Variants in KCTD16 observed in about 807,000 individuals in gnomAD.
KCTD16 encodes the protein BTB/POZ domain-containing protein KCTD16.
Under a neutral mutation model 33.2 loss-of-function variants are expected in KCTD16, and 13 were observed. The ratio of observed to expected loss-of-function variants is 0.39; its 90% CI spans 0.25 to 0.62. KCTD16 has a LOEUF of 0.62. Among genes scored for constraint, KCTD16 ranks in the 20% least tolerant of loss-of-function variants. The pLI, the probability that KCTD16 is intolerant of heterozygous loss-of-function variation, is 0.50. For synonymous variants in KCTD16, 197 were observed against 195.3 expected, an observed-to-expected ratio of 1.01 and a Z score of -0.07; for missense variants, 441 against 525.1, an observed-to-expected ratio of 0.84 and a Z score of 1.57.
At chr5:144,396,698 A>C (rs548400665) in intron 3 of KCTD16, among the ~76,000 whole-genome samples, 55 of 152,144 alleles carry the variant, frequency 3.6e-4, no homozygotes, top group South Asian at 3.3e-3. Flanking sequence ...TCAAACCTAA[A>C]ATGTAACATT....
At chr5:144,285,658 C>G (rs946528898) in intron 3 of KCTD16, among the ~76,000 whole-genome samples, 4 of 152,154 alleles carry the variant, frequency 2.6e-5, no homozygotes, top group Admixed American at 2.0e-4. Context: ...CCATTTCACC[C>G]TACAAATATG....
intron 3 of KCTD16, among the ~76,000 whole-genome samples, chr5:144,456,401 A>G (rs1014394234): frequency 2.0e-5 from 3 of 152,186 alleles, no homozygotes; most frequent in Non-Finnish European, 2.9e-5. Context: ...TCACTAAGCT[A>G]TGTACTCTTT....
intron 3 of KCTD16, among the ~76,000 whole-genome samples, chr5:144,298,452 A>T (rs781414086): frequency 1.4e-4 from 21 of 152,246 alleles, no homozygotes; most frequent in African/African-American, 5.1e-4. Flanking sequence ...TCTGCCAGCC[A>T]GATGGAAGGT....
chr5:144,322,792 G>A (rs955985092), intron 3 of KCTD16, among the ~76,000 whole-genome samples: 2 of 151,436 alleles, frequency 1.3e-5, no homozygotes, highest in Non-Finnish European at 2.9e-5. Context: ...AGTTTGCATT[G>A]CTGTGCATGC....
chr5:144,379,863 G>A (rs1170021542), intron 3 of KCTD16, among the ~76,000 whole-genome samples: 1 of 152,058 alleles, frequency 6.6e-6, no homozygotes, highest in African/African-American at 2.4e-5. Context: ...AAAGCAAAAT[G>A]TAAATAAAAG....
intron 3 of KCTD16, among the ~76,000 whole-genome samples, chr5:144,248,895 A>G (rs1327119135): frequency 6.6e-6 from 1 of 152,150 alleles, no homozygotes; most frequent in African/African-American, 2.4e-5. Context: ...AATCTTTCAA[A>G]GGTAAATATT....
At chr5:144,270,338 G>A (rs1216161150) in intron 3 of KCTD16, among the ~76,000 whole-genome samples, 2 of 151,812 alleles carry the variant, frequency 1.3e-5, no homozygotes, top group Non-Finnish European at 2.9e-5. Context: ...ATTATACAAA[G>A]TATCTTCTCT....
chr5:144,413,248 G>A (rs1752973827), intron 3 of KCTD16, among the ~76,000 whole-genome samples: 1 of 152,152 alleles, frequency 6.6e-6, no homozygotes, highest in South Asian at 2.1e-4. Context: ...TAGGACTCAG[G>A]CATGCACAGA....
intron 3 of KCTD16, among the ~76,000 whole-genome samples, chr5:144,319,987 G>T (rs1406258812): frequency 2.6e-5 from 4 of 152,188 alleles, no homozygotes; most frequent in African/African-American, 9.6e-5. Flanking sequence ...CATTCAACTT[G>T]ACTGAAAGCT....
chr5:144,329,882 T>C (rs1752308170), intron 3 of KCTD16, among the ~76,000 whole-genome samples: 1 of 152,194 alleles, frequency 6.6e-6, no homozygotes, highest in African/African-American at 2.4e-5. Context: ...ATTTGAAGTG[T>C]AGAGGCATTG....
chr5:144,321,006 C>T (rs1752058668), intron 3 of KCTD16, among the ~76,000 whole-genome samples: 1 of 152,054 alleles, frequency 6.6e-6, no homozygotes, highest in Admixed American at 6.6e-5. Flanking sequence ...CAGGCACATG[C>T]CACCACACTT....
intron 3 of KCTD16, among the ~76,000 whole-genome samples, chr5:144,359,383 T>G (rs1329260181): frequency 6.6e-6 from 1 of 152,094 alleles, no homozygotes; most frequent in African/African-American, 2.4e-5. Flanking sequence ...AACCCTCTCT[T>G]TTGAAGAGAA....
At chr5:144,208,829 A>G (rs897617802) in intron 3 of KCTD16, among the ~76,000 whole-genome samples, 4 of 152,246 alleles carry the variant, frequency 2.6e-5, no homozygotes, top group Admixed American at 2.6e-4. Context: ...ATCAGTAATC[A>G]GTTCAGGAGT....
rs1754774442 is a variant in KCTD16, at chr5:144,484,972, A to T, written c.*10858A>T. On this transcript the variant is annotated 3_prime_UTR_variant, in exon 4 of 4. Coordinates refer to ENST00000512467, the MANE Select transcript of KCTD16 (RefSeq NM_020768.4). ...TGAATGTGCTTATTACAGTATAAAC[A>T]TCATTAATTATGGACTCACATGAAT... 1 of 151,958 alleles carries T rather than the reference A, an allele frequency of 6.6e-6. No homozygotes were observed. Among genetic ancestry groups the T allele is most frequent in the South Asian group, 2.1e-4 (1 of 4,834 alleles). 9.4% of individuals were successfully genotyped at this position (151,958 alleles called of 1,614,324 possible).
chr5:144,400,556 T>C (rs1752680288), intron 3 of KCTD16, among the ~76,000 whole-genome samples: 1 of 152,126 alleles, frequency 6.6e-6, no homozygotes, highest in Non-Finnish European at 1.5e-5. Flanking sequence ...TAACATGATA[T>C]AGAACATTTC....
At chr5:144,289,654 A>G (rs1755840288) in intron 3 of KCTD16, among the ~76,000 whole-genome samples, 2 of 152,190 alleles carry the variant, frequency 1.3e-5, no homozygotes, top group African/African-American at 4.8e-5. Context: ...GTAATAACAC[A>G]TGCTCTATTT....
At chr5:144,353,176 A>C (rs1383182594) in intron 3 of KCTD16, among the ~76,000 whole-genome samples, 2 of 152,194 alleles carry the variant, frequency 1.3e-5, no homozygotes, top group East Asian at 3.9e-4. Context: ...TTCTGGGGGA[A>C]GTAGGGCCTC....
chr5:144,391,078 C>T (rs918456121), intron 3 of KCTD16, among the ~76,000 whole-genome samples: 9 of 152,230 alleles, frequency 5.9e-5, no homozygotes, highest in South Asian at 2.1e-4. Context: ...CTCAGACTTA[C>T]GTTGTGCCCC....
At chr5:144,305,981 G>A (rs1751595908) in intron 3 of KCTD16, among the ~76,000 whole-genome samples, 1 of 152,256 alleles carries the variant, frequency 6.6e-6, no homozygotes, top group South Asian at 2.1e-4. Flanking sequence ...TCCATTCAAT[G>A]GTGTTTTGTT....
Sources: allele counts gnomAD v4.1 joint callset (sites outside exome capture counted in the v4.1 genomes callset), GRCh38; gene constraint gnomAD v4.1.1; transcripts MANE v1.5; gene names NCBI Gene and HGNC (gene_info 2026-07-23, HGNC 2026-07-21).